PRKN: variants seen among roughly 807,000 people sequenced by gnomAD.
PRKN encodes the protein parkin RBR E3 ubiquitin protein ligase, also known as E3 ubiquitin-protein ligase parkin.
PRKN carries 56 observed loss-of-function variants against 59.5 expected under a neutral mutation model. The ratio of observed to expected loss-of-function variants is 0.94; its 90% CI spans 0.76 to 1.18. The LOEUF is 1.18. Among genes scored for constraint, PRKN ranks in the 50% most tolerant of loss-of-function variants. The pLI is 0.00. For missense variants in PRKN, 657 were observed against 596.4 expected (o/e 1.10, Z -1.06); for synonymous variants, 250 against 222.1 (o/e 1.13, Z -1.12).
intron 1 of PRKN, among the ~76,000 whole-genome samples, chr6:162,643,060 A>G (rs1193239445): frequency 6.6e-6 from 1 of 152,152 alleles, no homozygotes; most frequent in Non-Finnish European, 1.5e-5. Flanking sequence ...ATAACTAATC[A>G]GAAATAAAAG....
intron 4 of PRKN, among the ~76,000 whole-genome samples, chr6:162,123,781 C>T (rs1287370013): frequency 6.6e-6 from 1 of 152,066 alleles, no homozygotes. Flanking sequence ...TCAGTGTGGA[C>T]CCAAAGGGTT....
chr6:161,906,217 T>C (rs1778139579), intron 6 of PRKN, among the ~76,000 whole-genome samples: 1 of 152,210 alleles, frequency 6.6e-6, no homozygotes, highest in Non-Finnish European at 1.5e-5. Context: ...CCATATCATA[T>C]AATAATATCA....
At chr6:161,617,193 C>T (rs886642480) in intron 7 of PRKN, among the ~76,000 whole-genome samples, 7 of 152,054 alleles carry the variant, frequency 4.6e-5, no homozygotes, top group African/African-American at 7.2e-5. Context: ...GCTTGTTGGC[C>T]GCGTAAATGT....
rs572699554 is a variant in PRKN at position 161,484,604 on chromosome 6, A to G, written c.1083+64250T>C. Among the ~76,000 whole-genome samples the G allele has an allele frequency of 5.3e-5, 8 of 152,280 alleles. No individual in the cohort carries two copies. In the South Asian group the frequency reaches 1.7e-3, roughly 32 times the overall value. ...GCAAGCTGTGGGTACGGACGGCATC[A>G]GAACTAAACGCAGGGAGTCTGACTC... is the stretch of plus-strand genomic sequence containing the variant. On this transcript the variant is annotated intron_variant, in intron 9 of 11. Coordinates refer to ENST00000366898, the MANE Select transcript of PRKN (RefSeq NM_004562.3). This position sits in a 1 kb window ranked among gnomAD's most constrained non-coding sequence, Gnocchi z 4.9.
chr6:162,512,926 T>C (rs1429395599), intron 1 of PRKN, among the ~76,000 whole-genome samples: 2 of 152,286 alleles, frequency 1.3e-5, no homozygotes, highest in East Asian at 3.9e-4. Flanking sequence ...CAGTACTAAC[T>C]GTTGGTCAGA....
Position 161,359,079 on chromosome 6 carries a change from C to A in PRKN, c.1285+1009G>T, listed in dbSNP as rs191607440. On this transcript the variant is annotated intron_variant, in intron 11 of 11. Coordinates refer to ENST00000366898, the MANE Select transcript of PRKN (RefSeq NM_004562.3). The surrounding 1 kb of genome is among the most constrained non-coding windows in gnomAD (Gnocchi z 5.4). ...AAAGTGCTGGGATTACAGGCGTGAG[C>A]CACCGCGCCCGGCCGCCTTCTGCTC... 6.6e-6 allele frequency among the ~76,000 whole-genome samples: 1 copy of A among 152,264 alleles called. No individual in the cohort carries two copies. Among genetic ancestry groups the A allele is most frequent in the Admixed American group, 6.5e-5 (1 of 15,302 alleles).
intron 5 of PRKN, among the ~76,000 whole-genome samples, chr6:162,027,849 G>A (rs1026168510): frequency 6.6e-6 from 1 of 151,884 alleles, no homozygotes; most frequent in Non-Finnish European, 1.5e-5. Flanking sequence ...AGAGGAGGAA[G>A]AAGGGGCAGA....
chr6:162,038,426 T>C (rs1783930273), intron 5 of PRKN, among the ~76,000 whole-genome samples: 1 of 152,194 alleles, frequency 6.6e-6, no homozygotes. Flanking sequence ...TGACAGGCTC[T>C]GAAGTAAGCA....
At chr6:162,555,913 C>G (rs1297297295) in intron 1 of PRKN, among the ~76,000 whole-genome samples, 4 of 145,638 alleles carry the variant, frequency 2.7e-5, no homozygotes. Flanking sequence ...ATCGCTTGAA[C>G]CTGGGAGGTG....
intron 2 of PRKN, chr6:162,263,403 G>A (rs73598106): frequency 0.023 from 3,734 of 164,490 alleles, 140 homozygotes; most frequent in African/African-American, 0.079. Flanking sequence ...CACACACACC[G>A]CTCCACGGGC....
intron 9 of PRKN, among the ~76,000 whole-genome samples, chr6:161,481,623 A>C (rs554396979): frequency 6.1e-4 from 92 of 152,062 alleles, no homozygotes; most frequent in Middle Eastern, 6.8e-3. Context: ...AAAACAAAAC[A>C]AACAAACAAA....
At chr6:161,953,569 G>A (rs1200162740) in intron 6 of PRKN, among the ~76,000 whole-genome samples, 1 of 152,140 alleles carries the variant, frequency 6.6e-6, no homozygotes, top group African/African-American at 2.4e-5. Flanking sequence ...CCAGCAAATG[G>A]CCCAACAGCT....
At chr6:162,612,157 C>T (rs895031340) in intron 1 of PRKN, among the ~76,000 whole-genome samples, 1 of 131,124 alleles carries the variant, frequency 7.6e-6, no homozygotes, top group East Asian at 2.3e-4. Context: ...CGCGCCACTG[C>T]ACTCCAGCCT....
At chr6:162,643,295 G>A (rs565064005) in intron 1 of PRKN, among the ~76,000 whole-genome samples, 5 of 151,206 alleles carry the variant, frequency 3.3e-5, no homozygotes, top group Admixed American at 3.3e-4. Flanking sequence ...CTATTCAGGA[G>A]GCTGAGGCAG....
intron 2 of PRKN, among the ~76,000 whole-genome samples, chr6:162,436,265 C>T (rs1287985994): frequency 6.7e-6 from 1 of 149,768 alleles, no homozygotes; most frequent in Non-Finnish European, 1.5e-5. Context: ...GAAATGAAGC[C>T]ATTACATCCC....
At chr6:162,397,178 A>T (rs1462154178) in intron 2 of PRKN, among the ~76,000 whole-genome samples, 1 of 152,206 alleles carries the variant, frequency 6.6e-6, no homozygotes, top group Non-Finnish European at 1.5e-5. Context: ...CAGCTGACTT[A>T]ATGAAGTAAA....
chr6:162,655,860 T>C (rs577961261), intron 1 of PRKN, among the ~76,000 whole-genome samples: 1 of 152,298 alleles, frequency 6.6e-6, no homozygotes, highest in East Asian at 1.9e-4. Flanking sequence ...ATAACTATGC[T>C]GAGTGAAATG....
intron 9 of PRKN, among the ~76,000 whole-genome samples, chr6:161,387,230 C>T (rs561772839): frequency 1.3e-5 from 2 of 152,272 alleles, no homozygotes; most frequent in South Asian, 4.1e-4. Flanking sequence ...TGGGAAAGAC[C>T]TGGTGGGAGG....
At chr6:161,937,927 A>G (rs1174166960) in intron 6 of PRKN, among the ~76,000 whole-genome samples, 1 of 152,224 alleles carries the variant, frequency 6.6e-6, no homozygotes, top group Non-Finnish European at 1.5e-5. Flanking sequence ...CTGACACTCC[A>G]GATTTCATAC....
Sources: gnomAD v4.1 joint callset for allele counts (sites outside exome capture counted in the v4.1 genomes callset) on GRCh38, gnomAD v4.1.1 for gene constraint, Gnocchi (gnomAD v3.1) non-coding constraint, MANE v1.5 for transcripts, NCBI Gene and HGNC (gene_info 2026-07-23, HGNC 2026-07-21) for gene names.